Variants in FRMPD4 observed in about 807,000 individuals in gnomAD.
FRMPD4 encodes the protein FERM and PDZ domain containing 4.
FRMPD4 carries 22 observed loss-of-function variants against 94.1 expected under a neutral mutation model. The ratio of observed to expected loss-of-function variants is 0.23; its 90% CI spans 0.17 to 0.33. The LOEUF (loss-of-function observed/expected upper bound fraction) is 0.33. Among genes scored for constraint, FRMPD4 ranks in the 10% least tolerant of loss-of-function variants. The probability of loss-of-function intolerance (pLI) is 1.00; values close to 1 mark genes in which losing one functional copy is unlikely to be tolerated. For synonymous variants in FRMPD4, 631 were observed against 548.6 expected (o/e 1.15, Z -2.10); for missense variants, 1,111 against 1,339.9 (o/e 0.83, Z 2.67).
chrX:12,319,325 C>A (rs1429022552), intron 1 of FRMPD4, among the ~76,000 whole-genome samples: 12 of 112,312 alleles, frequency 1.1e-4, no homozygotes, highest in African/African-American at 3.9e-4. Flanking sequence ...TACTTGTTCT[C>A]ATACGCAGCT....
chrX:11,995,767 T>A (rs1007173402), intron 3 of FRMPD4, among the ~76,000 whole-genome samples: 2 of 112,146 alleles, frequency 1.8e-5, no homozygotes, highest in Non-Finnish European at 3.8e-5. Context: ...GCATCTGTCG[T>A]TCCTGGGGAC....
chrX:12,133,294 A>ACTC (rs2055567934), intron 3 of FRMPD4, among the ~76,000 whole-genome samples: 1 of 109,099 alleles, frequency 9.2e-6, no homozygotes, highest in Non-Finnish European at 1.9e-5. Flanking sequence ...CTGGTCTCGA[A>ACTC]CTCCTGGCCA....
Position 11,985,991 on chromosome X carries a change from C to T in FRMPD4, c.95+107973C>T, listed in dbSNP as rs992304589. Among the ~76,000 whole-genome samples the T allele has an allele frequency of 2.7e-5, 3 of 112,791 alleles. No homozygotes were observed. The Admixed American group carries it at 2.8e-4, about 11-fold the overall frequency. ...ACTCATCACCCTGAAGGGAGGGACA[C>T]GAACCTGGCTTGCTTTGCCATCTGC... On this transcript the variant is annotated intron_variant, in intron 3 of 18. Transcript: ENST00000640291.
At chrX:12,216,136 A>G (rs986641054) in intron 1 of FRMPD4, among the ~76,000 whole-genome samples, 2 of 112,088 alleles carry the variant, frequency 1.8e-5, no homozygotes, top group Non-Finnish European at 3.8e-5. Flanking sequence ...ACAACCATTT[A>G]TCATGCTCAG....
At chrX:12,405,396 T>G (rs952134657) in intron 1 of FRMPD4, among the ~76,000 whole-genome samples, 1 of 111,379 alleles carries the variant, frequency 9.0e-6, no homozygotes, top group Non-Finnish European at 1.9e-5. Context: ...TTAATTTTTA[T>G]GAGTACATAG....
intron 1 of FRMPD4, among the ~76,000 whole-genome samples, chrX:12,442,342 C>T (rs1419881952): frequency 9.0e-6 from 1 of 110,615 alleles, no homozygotes; most frequent in African/African-American, 3.3e-5. Flanking sequence ...TGAACACTGC[C>T]ATGGAGACAA....
chrX:12,631,621 A>C (rs1413888231), intron 4 of FRMPD4, among the ~76,000 whole-genome samples: 1 of 107,230 alleles, frequency 9.3e-6, no homozygotes, highest in Non-Finnish European at 1.9e-5. Flanking sequence ...TTCAACTCCC[A>C]CTTATGAGTG....
chrX:12,584,516 G>A (rs770123272), intron 2 of FRMPD4, among the ~76,000 whole-genome samples: 34 of 111,607 alleles, frequency 3.0e-4, no homozygotes, highest in Admixed American at 1.2e-3. Context: ...ATAGTCACAA[G>A]GTTTGGAAGC....
intron 1 of FRMPD4, among the ~76,000 whole-genome samples, chrX:12,199,949 C>A (rs1323975944): frequency 9.1e-6 from 1 of 110,206 alleles, no homozygotes. Context: ...TGGGTGGAGA[C>A]CACAAGACCA....
At chrX:12,060,839 A>T (rs752071371) in intron 3 of FRMPD4, among the ~76,000 whole-genome samples, 2 of 112,186 alleles carry the variant, frequency 1.8e-5, no homozygotes, top group African/African-American at 3.2e-5. Flanking sequence ...TGTGCTGTGT[A>T]TCTGAGTCTG....
At chrX:11,919,474 G>A (rs2054043660) in intron 3 of FRMPD4, among the ~76,000 whole-genome samples, 1 of 111,057 alleles carries the variant, frequency 9.0e-6, no homozygotes, top group South Asian at 3.9e-4. Context: ...CTGTGCACAG[G>A]GGATCATCAG....
chrX:12,010,136 A>G (rs2054573948), intron 3 of FRMPD4, among the ~76,000 whole-genome samples: 1 of 111,756 alleles, frequency 8.9e-6, no homozygotes, highest in Non-Finnish European at 1.9e-5. Flanking sequence ...TTTCTGTCCC[A>G]GTTTTTTACC....
At chrX:12,203,338 A>C (rs1162920905) in intron 1 of FRMPD4, among the ~76,000 whole-genome samples, 4 of 112,229 alleles carry the variant, frequency 3.6e-5, no homozygotes, top group African/African-American at 1.3e-4. Context: ...CAAAGGCAAG[A>C]AATGACTACC....
At chrX:12,352,308 A>G (rs2055827143) in intron 1 of FRMPD4, among the ~76,000 whole-genome samples, 1 of 112,459 alleles carries the variant, frequency 8.9e-6, no homozygotes, top group South Asian at 3.6e-4. Flanking sequence ...TTGTAAACCT[A>G]CTGAGTTTTG....
intron 1 of FRMPD4, among the ~76,000 whole-genome samples, chrX:12,252,732 A>AG (rs1448502067): frequency 2.7e-5 from 3 of 111,980 alleles, no homozygotes; most frequent in South Asian, 3.8e-4. Context: ...ATGTACGAGG[A>AG]GGAAAAAAAC....
chrX:12,118,527 T>C (rs2055428047), intron 3 of FRMPD4, among the ~76,000 whole-genome samples: 1 of 111,940 alleles, frequency 8.9e-6, no homozygotes, highest in African/African-American at 3.3e-5. Context: ...CAGAAAGGCC[T>C]CCTGTGTGTG....
chrX:12,552,792 T>A (rs915180278), intron 2 of FRMPD4, among the ~76,000 whole-genome samples: 5 of 112,748 alleles, frequency 4.4e-5, no homozygotes, highest in Non-Finnish European at 9.4e-5. Flanking sequence ...TAGGTAATAT[T>A]GTATTTTTAA....
chrX:12,540,934 C>T (rs777247869), intron 2 of FRMPD4, among the ~76,000 whole-genome samples: 1 of 112,117 alleles, frequency 8.9e-6, no homozygotes, highest in South Asian at 3.8e-4. Context: ...GATTAAGAAA[C>T]TCACTCAAAA....
chrX:12,721,236 G>T lies in FRMPD4; in HGVS notation c.4667G>T (p.Arg1556Leu), dbSNP rs775651753. The change falls in exon 17 of 17, where the codon CGA (arginine) becomes CTA (leucine). Residue 1556 changes from arginine to leucine, a missense_variant. Around this residue, in one of 8 missense-constraint regions of FRMPD4, gnomAD observed 551 missense variants for 591.6 expected, o/e 0.93. Coordinates refer to ENST00000675598, the MANE Select transcript of FRMPD4 (RefSeq NM_001368397.1). Reference sequence around the variant, plus strand: ...CTGGCTGTGGCGATTCAGAAGCAACGAGGGGAGCTATCCAGAGGGTCAGTG... The same window carrying T: ...CTGGCTGTGGCGATTCAGAAGCAACTAGGGGAGCTATCCAGAGGGTCAGTG... ...PCLAVAIQKQ[R>L]GELSRGSVLK... 2 of 756,365 alleles carry T rather than the reference G, an allele frequency of 2.6e-6. No individual in the cohort carries two copies. The highest frequency in any genetic ancestry group is 3.1e-6 in the Non-Finnish European group (2 of 639,583). The allele number at this position is 756,365 out of a possible 1,213,427, so 62.3% of individuals were successfully genotyped here.
Sources: gnomAD v4.1 joint callset for allele counts (sites outside exome capture counted in the v4.1 genomes callset) on GRCh38, gnomAD v4.1.1 for gene constraint, gnomAD v4.1.1 regional missense constraint, MANE v1.5 for transcripts, NCBI Gene and HGNC (gene_info 2026-07-23, HGNC 2026-07-21) for gene names.